The following KIF21A variants were observed in gnomAD, a reference collection of about 807,000 sequenced individuals.
KIF21A encodes kinesin-like protein KIF21A.
In KIF21A, 114 loss-of-function variants were observed where a neutral mutation model predicts 202.9. The ratio of observed to expected loss-of-function variants is 0.56; its 90% CI spans 0.48 to 0.66. KIF21A has a LOEUF of 0.66. Among genes scored for constraint, KIF21A ranks in the 30% least tolerant of loss-of-function variants. The pLI, the probability that KIF21A is intolerant of heterozygous loss-of-function variation, is 0.00. For synonymous variants in KIF21A, 667 were observed against 670.8 expected (o/e 0.99, Z 0.09); for missense variants, 1,677 against 1,994.9 (o/e 0.84, Z 3.04).
At chr12:39,323,580 A>C (rs1327682005) in intron 26 of KIF21A, among the ~76,000 whole-genome samples, 2 of 152,186 alleles carry the variant, frequency 1.3e-5, no homozygotes, top group Non-Finnish European at 2.9e-5. Context: ...TAAACTCACT[A>C]TAAGCATTCC....
chr12:39,373,380 A>G (rs1478935071), intron 1 of KIF21A, among the ~76,000 whole-genome samples: 1 of 151,994 alleles, frequency 6.6e-6, no homozygotes, highest in East Asian at 1.9e-4. Flanking sequence ...TTTTCTTTCA[A>G]TATCACTTGT....
At chr12:39,374,616 AAT>A (rs1158333408) in intron 1 of KIF21A, among the ~76,000 whole-genome samples, 1 of 152,306 alleles carries the variant, frequency 6.6e-6, no homozygotes, top group South Asian at 2.1e-4. Context: ...AAAGCAAAGT[AAT>A]CCAGAAGTGT....
chr12:39,436,442 A>ATC (rs1938736364), intron 1 of KIF21A, among the ~76,000 whole-genome samples: 1 of 118,122 alleles, frequency 8.5e-6, no homozygotes, highest in African/African-American at 4.0e-5. Flanking sequence ...ATATATATAT[A>ATC]TATATATTTT....
intron 34 of KIF21A, among the ~76,000 whole-genome samples, chr12:39,305,368 G>GAAAAAAAAAAAAAAAAAA (rs539400060): frequency 1.3e-5 from 1 of 78,794 alleles, no homozygotes; most frequent in African/African-American, 3.9e-5. Flanking sequence ...TCCGACTCAA[G>GAAAAAAAAAAAAAAAAAA]AAAAAAAAAA....
intron 22 of KIF21A, 118 bp downstream of exon 22, chr12:39,331,572 C>T: frequency 1.3e-6 from 1 of 742,822 alleles, no homozygotes; most frequent in Non-Finnish European, 2.4e-6. Flanking sequence ...AAATACTTTC[C>T]AATTATGAAT....
chr12:39,370,508 T>G (rs1949882730), intron 1 of KIF21A, among the ~76,000 whole-genome samples: 1 of 152,130 alleles, frequency 6.6e-6, no homozygotes, highest in South Asian at 2.1e-4. Context: ...AAAATCCATC[T>G]TAAAATTAGA....
intron 1 of KIF21A, among the ~76,000 whole-genome samples, chr12:39,414,720 C>G (rs1466076279): frequency 6.6e-6 from 1 of 152,068 alleles, no homozygotes; most frequent in African/African-American, 2.4e-5. Context: ...ATAATGTCAG[C>G]AGGTATAAGA....
chr12:39,342,876 G>A (rs1947562568), intron 12 of KIF21A, among the ~76,000 whole-genome samples: 1 of 152,136 alleles, frequency 6.6e-6, no homozygotes, highest in East Asian at 1.9e-4. Context: ...ACATACCAGG[G>A]AATGATTATA....
chr12:39,319,981 A>ATT lies in KIF21A; in HGVS notation c.3702_3703dup (p.Ile1235LysfsTer8). 1 of 1,592,572 alleles carries ATT rather than the reference A, an allele frequency of 6.3e-7. No homozygotes were observed. Among genetic ancestry groups the ATT allele is most frequent in the Non-Finnish European group, 8.6e-7 (1 of 1,163,756 alleles). On this transcript the variant is annotated frameshift_variant, in exon 28 of 38. Transcript: ENST00000361418. LOFTEE classifies it high-confidence loss of function. Reference sequence around the variant, plus strand: ...CCTTGTTACAGGAGAAGGCTCTGGAATTTTTTTTTCTGATAGAGATGACTG... The same window carrying ATT: ...CCTTGTTACAGGAGAAGGCTCTGGAATTTTTTTTTTTCTGATAGAGATGACTG...
chr12:39,382,809 T>G (rs903368984), intron 1 of KIF21A, among the ~76,000 whole-genome samples: 3 of 152,168 alleles, frequency 2.0e-5, no homozygotes, highest in African/African-American at 7.2e-5. Context: ...CAAAACAGCA[T>G]GTGGAGTGAA....
intron 4 of KIF21A, 94 bp downstream of exon 4, chr12:39,367,789 A>C (rs1179475155): frequency 2.4e-5 from 23 of 974,414 alleles, no homozygotes; most frequent in Non-Finnish European, 3.4e-5. Flanking sequence ...TCAGGATATA[A>C]ATTTCATATC....
In KIF21A at chr12:39,417,525, C is replaced by A. The variant is rs1269232542; in HGVS notation, c.44+25402G>T. Reference sequence around the variant, plus strand: ...AGTTATGTGAGGCTTCTTCGTATCACTTAGCAAATGTAGCATACAAGGAAA... The same window carrying A: ...AGTTATGTGAGGCTTCTTCGTATCAATTAGCAAATGTAGCATACAAGGAAA... On this transcript the variant is annotated intron_variant, in intron 1 of 37. Coordinates refer to ENST00000361418, the MANE Select transcript of KIF21A (RefSeq NM_001173464.2). 3.3e-5 allele frequency among the ~76,000 whole-genome samples: 5 copies of A among 152,154 alleles called. No homozygotes were observed. In the South Asian group the frequency reaches 1.0e-3, roughly 31 times the overall value.
intron 37 of KIF21A, among the ~76,000 whole-genome samples, chr12:39,297,971 G>A (rs1371084617): frequency 6.6e-6 from 1 of 150,434 alleles, no homozygotes; most frequent in African/African-American, 2.4e-5. Context: ...TTTTGGATAT[G>A]TTAAGTTTGA....
At chr12:39,361,413 T>C (rs765529160) in intron 7 of KIF21A, among the ~76,000 whole-genome samples, 6 of 151,940 alleles carry the variant, frequency 3.9e-5, no homozygotes, top group Non-Finnish European at 7.4e-5. Flanking sequence ...ACTGCATCCA[T>C]ACATAGGATG....
intron 1 of KIF21A, among the ~76,000 whole-genome samples, chr12:39,403,406 G>A (rs182830313): frequency 2.3e-4 from 35 of 152,298 alleles, no homozygotes; most frequent in African/African-American, 8.2e-4. Flanking sequence ...ATACATGTGA[G>A]TGTGATACAT....
chr12:39,358,361 C>T lies in KIF21A; in HGVS notation c.1032G>A (p.Met344Ile). ...DSLGGNSQTIMIACVSPSDRD... is the reference protein window; with the variant it reads ...DSLGGNSQTIIIACVSPSDRD... ...TGTCTGAAGGGCTGACACATGCTAT[C>T]ATGATTGTTTGGCTGAAAGTTACAA... The change falls in exon 8 of 38, where the codon ATG becomes ATA. Residue 344 changes from methionine to isoleucine, a missense_variant. Coordinates refer to ENST00000361418, the MANE Select transcript of KIF21A (RefSeq NM_001173464.2). 1 of 1,613,994 alleles carries T rather than the reference C, an allele frequency of 6.2e-7. No individual in the cohort carries two copies. The highest frequency in any genetic ancestry group is 8.5e-7 in the Non-Finnish European group (1 of 1,179,908).
chr12:39,394,656 A>G (rs1485613644), intron 1 of KIF21A, among the ~76,000 whole-genome samples: 1 of 152,164 alleles, frequency 6.6e-6, no homozygotes, highest in Non-Finnish European at 1.5e-5. Flanking sequence ...TGAGTAGAAG[A>G]GCTCCCGCAC....
At chr12:39,433,030 A>G (rs2140378849) in intron 1 of KIF21A, among the ~76,000 whole-genome samples, 1 of 152,322 alleles carries the variant, frequency 6.6e-6, no homozygotes, top group Admixed American at 6.5e-5. Flanking sequence ...AAAACAGACT[A>G]AAAAGAAATA....
chr12:39,405,849 A>G (rs949942884), intron 1 of KIF21A, among the ~76,000 whole-genome samples: 3 of 152,202 alleles, frequency 2.0e-5, no homozygotes, highest in African/African-American at 7.2e-5. Flanking sequence ...AGAAAAAAAA[A>G]TATGCAATAA....
Sources: gnomAD v4.1 joint callset for allele counts (sites outside exome capture counted in the v4.1 genomes callset) on GRCh38, gnomAD v4.1.1 for gene constraint, MANE v1.5 for transcripts, NCBI Gene and HGNC (gene_info 2026-07-23, HGNC 2026-07-21) for gene names.